Variants in SH3BP5 observed in about 807,000 individuals in gnomAD.
SH3BP5 encodes SH3 domain-binding protein 5.
In SH3BP5, 22 loss-of-function variants were observed where a neutral mutation model predicts 43.3. The observed-to-expected ratio is 0.51, with a 90% CI of 0.36 to 0.73. The LOEUF (loss-of-function observed/expected upper bound fraction) is 0.73. SH3BP5 is among the 30% of genes least tolerant of loss of function. The pLI is 0.00. For missense variants in SH3BP5, 529 were observed against 586.9 expected, an observed-to-expected ratio of 0.90 and a Z score of 1.02; for synonymous variants, 255 against 225.8, an observed-to-expected ratio of 1.13 and a Z score of -1.16.
intron 6 of SH3BP5, 143 bp downstream of exon 6, chr3:15,259,618 T>C: frequency 1.2e-6 from 1 of 832,784 alleles, no homozygotes; most frequent in South Asian, 1.3e-5. Flanking sequence ...CGAGACAATT[T>C]TGAGGTCTGA....
chr3:15,305,661 GGCA>G (rs1436394867), intron 2 of SH3BP5, among the ~76,000 whole-genome samples: 1 of 152,148 alleles, frequency 6.6e-6, no homozygotes, highest in African/African-American at 2.4e-5. Context: ...GTCCCAAGCA[GGCA>G]GCAGAGCCTG....
intron 2 of SH3BP5, among the ~76,000 whole-genome samples, chr3:15,328,740 T>C (rs1042879583): frequency 1.3e-5 from 2 of 152,090 alleles, no homozygotes; most frequent in Admixed American, 1.3e-4. Context: ...GGAGGAGATC[T>C]GGAAAATGCC....
intron 1 of SH3BP5, among the ~76,000 whole-genome samples, chr3:15,337,832 CT>C (rs1443356630): frequency 2.0e-5 from 3 of 147,132 alleles, no homozygotes; most frequent in African/African-American, 7.6e-5. Flanking sequence ...GGAGGATCCC[CT>C]GAGCCCAGGA....
chr3:15,310,594 T>C (rs77040845), intron 2 of SH3BP5, among the ~76,000 whole-genome samples: 2 of 152,000 alleles, frequency 1.3e-5, no homozygotes, highest in African/African-American at 4.8e-5. Flanking sequence ...GGCTCAAAAG[T>C]ACAAACTTAT....
At chr3:15,270,005 AC>A (rs1696754680) in intron 3 of SH3BP5, 128 bp from the exon 4 acceptor site, 2 of 763,858 alleles carry the variant, frequency 2.6e-6, no homozygotes, top group East Asian at 5.5e-5. Context: ...CACTCCTGGC[AC>A]CCACAGGTCC....
chr3:15,308,864 A>G (rs1439742752), intron 2 of SH3BP5, among the ~76,000 whole-genome samples: 2 of 152,188 alleles, frequency 1.3e-5, no homozygotes. Context: ...TTCTTCCCAT[A>G]GGGTTACTTA....
chr3:15,332,554 G>C lies in SH3BP5; in HGVS notation c.-146C>G. ...CGACACCCGGGAGACGCAGCTCGCC[G>C]ATGCGGATACCTCCGGCCGCGGCGG... On this transcript the variant is annotated 5_prime_UTR_variant, in exon 1 of 9. It adds an upstream start codon to the 5' untranslated region. Transcript: ENST00000383791. 1.6e-6 allele frequency: 2 copies of C among 1,235,124 alleles called. No individual in the cohort carries two copies. The highest frequency in any genetic ancestry group is 2.0e-6 in the Non-Finnish European group (2 of 991,322). The allele number at this position is 1,235,124 out of a possible 1,614,324, so 76.5% of individuals were successfully genotyped here. A position where few individuals can be genotyped will look rare whatever the true frequency, so the allele number is the denominator to read the frequency against.
chr3:15,305,448 G>C (rs931311214), intron 2 of SH3BP5, among the ~76,000 whole-genome samples: 5 of 151,696 alleles, frequency 3.3e-5, no homozygotes, highest in Admixed American at 3.3e-4. Context: ...CTTACAGCCT[G>C]GTGGGTGAGG....
chr3:15,278,387 C>T lies in SH3BP5; in HGVS notation c.331-8510G>A, dbSNP rs562967991. Among the ~76,000 whole-genome samples the T allele has an allele frequency of 2.6e-5, 4 of 152,324 alleles. No individual in the cohort carries two copies. In the South Asian group the frequency reaches 8.3e-4, roughly 32 times the overall value. ...AAGAGACAAGGATGTCTGTTCTCAA[C>T]TTTATTAAAGCCGTGGTTTTCTGCC... On this transcript the variant is annotated intron_variant, in intron 3 of 8. Transcript: ENST00000383791.
chr3:15,323,953 T>TG (rs1005509219), intron 2 of SH3BP5, among the ~76,000 whole-genome samples: 6 of 152,194 alleles, frequency 3.9e-5, no homozygotes, highest in African/African-American at 1.4e-4. Context: ...ATAAGCAGTA[T>TG]GGGGGGACCA....
intron 3 of SH3BP5, among the ~76,000 whole-genome samples, chr3:15,277,019 C>T (rs777755557): frequency 8.6e-5 from 13 of 152,034 alleles, no homozygotes; most frequent in Non-Finnish European, 1.6e-4. Flanking sequence ...GGTGCGATCT[C>T]GGCTCACTGC....
chr3:15,321,553 C>G (rs1031809184), intron 2 of SH3BP5, among the ~76,000 whole-genome samples: 1 of 151,818 alleles, frequency 6.6e-6, no homozygotes, highest in Non-Finnish European at 1.5e-5. Context: ...TTCCCCACCC[C>G]CATCCCATGA....
intron 2 of SH3BP5, among the ~76,000 whole-genome samples, chr3:15,315,164 T>C (rs1329653610): frequency 2.0e-5 from 3 of 147,612 alleles, no homozygotes; most frequent in African/African-American, 7.6e-5. Flanking sequence ...GCACTATTAA[T>C]AACTGTGCTG....
chr3:15,321,703 T>C (rs1231903476), intron 2 of SH3BP5, among the ~76,000 whole-genome samples: 1 of 151,832 alleles, frequency 6.6e-6, no homozygotes, highest in Non-Finnish European at 1.5e-5. Context: ...TCTCAAACAA[T>C]GTGGTGATGG....
At chr3:15,335,377 C>CAA (rs59127007), upstream of SH3BP5, among the ~76,000 whole-genome samples, 28 of 149,412 alleles carry the variant, frequency 1.9e-4, no homozygotes, top group East Asian at 3.9e-4. Context: ...GACTTTCTCT[C>CAA]AAAAAAAAAG....
chr3:15,330,207 C>G (rs1279345663), intron 2 of SH3BP5, among the ~76,000 whole-genome samples: 2 of 152,254 alleles, frequency 1.3e-5, no homozygotes, highest in East Asian at 3.8e-4. Flanking sequence ...TAATTTTCCC[C>G]TGTCCTTTCA....
intron 1 of SH3BP5, 158 bp from the exon 2 acceptor site, chr3:15,330,724 A>G: frequency 1.0e-6 from 1 of 985,290 alleles, no homozygotes; most frequent in Non-Finnish European, 1.2e-6. Flanking sequence ...GCTTGACTAG[A>G]AAAGCAAATG....
At chr3:15,325,943 C>T (rs144577365) in intron 2 of SH3BP5, among the ~76,000 whole-genome samples, 56 of 152,172 alleles carry the variant, frequency 3.7e-4, no homozygotes, top group African/African-American at 5.8e-4. Context: ...CGCTTGAACC[C>T]GGGAGGCTGA....
intron 3 of SH3BP5, among the ~76,000 whole-genome samples, chr3:15,284,533 G>C (rs992226203): frequency 3.3e-5 from 5 of 152,202 alleles, no homozygotes; most frequent in African/African-American, 1.2e-4. Context: ...TCGTGCCTCA[G>C]ATGAAAATAC....
Sources: gnomAD v4.1 joint callset for allele counts (sites outside exome capture counted in the v4.1 genomes callset) on GRCh38, gnomAD v4.1.1 for gene constraint, MANE v1.5 for transcripts, NCBI Gene and HGNC (gene_info 2026-07-23, HGNC 2026-07-21) for gene names.